Variants in ZNF174 observed in about 807,000 individuals in gnomAD.
The protein encoded by ZNF174 is AW-1.
Under a neutral mutation model 38.7 loss-of-function variants are expected in ZNF174, and 30 were observed. That is an observed-to-expected ratio of 0.78 (90% CI 0.58 to 1.05). The LOEUF is 1.05. ZNF174 is among the 50% of genes least tolerant of loss of function. The probability of loss-of-function intolerance (pLI) is 0.00; values close to 1 mark genes in which losing one functional copy is unlikely to be tolerated. For missense variants in ZNF174, 499 were observed against 495.6 expected (o/e 1.01, Z -0.06); for synonymous variants, 201 against 181.7 (o/e 1.11, Z -0.86).
At position 3,405,087 on chromosome 16, in the gene ZNF174, C is replaced by T. The variant is rs78243107; in HGVS notation, c.625+439C>T. ...TGATGTTGCTTGTACTTTAGATCCTCAAATCTATTTCCCTTTCTCTGGTGT... is the reference window on the plus strand; with the variant it reads ...TGATGTTGCTTGTACTTTAGATCCTTAAATCTATTTCCCTTTCTCTGGTGT... On this transcript the variant is annotated intron_variant, in intron 2 of 2. Transcript: ENST00000268655. The T allele has an allele frequency of 8.9e-3, 13,407 of 1,512,436 alleles. 373 individuals carry two copies. The African/African-American group carries it at 0.094, about 11-fold the overall frequency. The allele number at this position is 1,512,436 out of a possible 1,614,324, so 93.7% of individuals were successfully genotyped here.
chr16:3,405,782 G>A (rs1050560693), intron 2 of ZNF174, among the ~76,000 whole-genome samples: 4 of 152,156 alleles, frequency 2.6e-5, no homozygotes, highest in South Asian at 2.1e-4. Flanking sequence ...CAAGGCAGGC[G>A]GATCACTTAG....
chr16:3,402,034 C>T lies in ZNF174; in HGVS notation c.30C>T (p.Ser10=), dbSNP rs199711283. 1 of 1,613,622 alleles carries T rather than the reference C, an allele frequency of 6.2e-7. No homozygotes were observed. The highest frequency in any genetic ancestry group is 8.5e-7 in the Non-Finnish European group (1 of 1,179,922). MAAKMEITL[S]SNTEASSKQE... ...CAGCTAAAATGGAGATAACTTTAAG[C>T]TCCAACACTGAAGCTTCCTCCAAGC... The change falls in exon 1 of 3, where the codon AGC becomes AGT. Residue 10 remains serine, a synonymous_variant. Transcript: ENST00000268655.
rs1567341133 is a variant in ZNF174 at position 3,404,636 on chromosome 16, T to C, written c.613T>C (p.Leu205=). The part of the protein sequence containing the change: ...SPLLQEPTPK[L]AGTEAPRMRS... ...ACTCCTCCAAGAACCAACCCCCAAA[T>C]TGGCTGGGACAGGTAAACACTCTGC... Residue 205 remains leucine, a synonymous_variant, in exon 2 of 3, where the codon TTG becomes CTG. Transcript: ENST00000268655. 1.9e-6 allele frequency: 3 copies of C among 1,614,188 alleles called. No homozygotes were observed. Among genetic ancestry groups the C allele is most frequent in the African/African-American group, 1.3e-5 (1 of 75,058 alleles).
At position 3,408,370 on chromosome 16, in the gene ZNF174, G is replaced by A. The variant is rs111649299; in HGVS notation, c.675G>A (p.Gly225=). The A allele has an allele frequency of 2.5e-6, 4 of 1,613,702 alleles. No individual in the cohort carries two copies. In the African/African-American group the frequency reaches 5.3e-5, roughly 22 times the overall value. Residue 225 remains glycine, a synonymous_variant, in exon 3 of 3, where the codon GGG becomes GGA. Transcript: ENST00000268655. ...SDNKENPQQE[G]AKGAKPCAVS... is the part of the protein sequence containing the mutation. ...ACAAGGAAAATCCACAACAGGAAGG[G>A]GCTAAAGGAGCAAAGCCATGTGCAG...
rs775075182 is a variant in ZNF174, at chr16:3,402,385, A to G, written c.381A>G (p.Ala127=). 6.2e-7 allele frequency: 1 copy of G among 1,613,634 alleles called. No individual in the cohort carries two copies. The highest frequency in any genetic ancestry group is 1.1e-5 in the South Asian group (1 of 91,032). The part of the protein sequence containing the change: ...IVTLVEDFHR[A]SKKPKQWVAV... ...CCCTCGTGGAAGATTTTCACAGAGC[A>G]TCCAAGAAACCAAAGCAGTGGGTAA... Residue 127 remains alanine (A), a synonymous_variant, in exon 1 of 3, where the codon GCA becomes GCG. Coordinates refer to ENST00000268655, the MANE Select transcript of ZNF174 (RefSeq NM_003450.3).
In ZNF174 at chr16:3,401,956, C is replaced by A. The variant is rs2033916887; in HGVS notation, c.-49C>A. ...AGAGACTTCTCCAGGGTCATGATCC[C>A]AAAGGCTTAACCCGTTTACAAGGAG... On this transcript the variant is annotated 5_prime_UTR_variant, in exon 1 of 3. Coordinates refer to ENST00000268655, the MANE Select transcript of ZNF174 (RefSeq NM_003450.3). 1 of 1,588,066 alleles carries A rather than the reference C, an allele frequency of 6.3e-7. No individual in the cohort carries two copies. Among genetic ancestry groups the A allele is most frequent in the Non-Finnish European group, 8.5e-7 (1 of 1,173,486 alleles).
At chr16:3,408,193 C>T (rs2034080222) in intron 2 of ZNF174, 128 bp from the exon 3 acceptor site, 4 of 871,786 alleles carry the variant, frequency 4.6e-6, no homozygotes, top group Non-Finnish European at 7.2e-6. Flanking sequence ...ACAAGTGCTC[C>T]AGATGAGTCT....
chr16:3,402,605 C>T (rs1359003975), intron 1 of ZNF174, among the ~76,000 whole-genome samples, 199 bp downstream of exon 1: 1 of 151,710 alleles, frequency 6.6e-6, no homozygotes. Flanking sequence ...ACTACAGGCG[C>T]CCGCCACCGC....
chr16:3,404,122 T>A (rs1451424013), intron 1 of ZNF174, among the ~76,000 whole-genome samples: 2 of 152,184 alleles, frequency 1.3e-5, no homozygotes, highest in Admixed American at 1.3e-4. Flanking sequence ...AGGCATCTGA[T>A]GGCCCAGTGT....
Position 3,404,459 on chromosome 16 carries a change from T to C in ZNF174, c.436T>C (p.Leu146=). Residue 146 remains leucine (L), a synonymous_variant, in exon 2 of 3, where the codon TTG becomes CTG. Coordinates refer to ENST00000268655, the MANE Select transcript of ZNF174 (RefSeq NM_003450.3). ...AVCMQGQKVL[L]EKTGSQLGEQ... ...TTGTATGCAGGGGCAAAAGGTGCTC[T>C]TGGAGAAAACTGGATCTCAGCTTGG... 1.2e-6 allele frequency: 2 copies of C among 1,610,252 alleles called. No individual in the cohort carries two copies. Among genetic ancestry groups the C allele is most frequent in the Non-Finnish European group, 1.7e-6 (2 of 1,176,932 alleles).
rs368518176 is a variant in ZNF174 at position 3,402,055 on chromosome 16, C to T, written c.51C>T (p.Ser17=). 2 of 1,613,756 alleles carry T rather than the reference C, an allele frequency of 1.2e-6. No homozygotes were observed. The highest frequency in any genetic ancestry group is 2.7e-5 in the African/African-American group (2 of 74,854). ...TAAGCTCCAACACTGAAGCTTCCTCCAAGCAAGAGAGACACATAATAGCCA... is the reference window on the plus strand; with the variant it reads ...TAAGCTCCAACACTGAAGCTTCCTCTAAGCAAGAGAGACACATAATAGCCA... The part of the protein sequence containing the change: ...ITLSSNTEAS[S]KQERHIIAKL... The change falls in exon 1 of 3, where the codon TCC becomes TCT. Residue 17 remains serine (S), a synonymous_variant. Transcript: ENST00000268655.
intron 1 of ZNF174, among the ~76,000 whole-genome samples, chr16:3,403,426 C>A (rs1424852736): frequency 6.6e-6 from 1 of 151,430 alleles, no homozygotes; most frequent in Non-Finnish European, 1.5e-5. Context: ...CCGCCTTGGC[C>A]TCTCAAAGTG....
At chr16:3,405,169 A>G (rs911553993) in intron 2 of ZNF174, 3 of 1,228,514 alleles carry the variant, frequency 2.4e-6, no homozygotes, top group Non-Finnish European at 3.2e-6. Context: ...CTAAGCCTGA[A>G]TGACAGTGAC....
In ZNF174 at chr16:3,408,385, G is replaced by A. The variant is rs532019478; in HGVS notation, c.690G>A (p.Lys230=). The change falls in exon 3 of 3, where the codon AAG becomes AAA. Residue 230 remains lysine (K), a synonymous_variant. Coordinates refer to ENST00000268655, the MANE Select transcript of ZNF174 (RefSeq NM_003450.3). ...NPQQEGAKGA[K]PCAVSAGRSK... ...AACAGGAAGGGGCTAAAGGAGCAAA[G>A]CCATGTGCAGTGTCAGCTGGCAGAT... The A allele has an allele frequency of 1.9e-6, 3 of 1,614,184 alleles. No homozygotes were observed. The highest frequency in any genetic ancestry group is 2.2e-5 in the South Asian group (2 of 91,080).
chr16:3,407,432 A>C (rs1470672461), intron 2 of ZNF174, among the ~76,000 whole-genome samples: 1 of 152,202 alleles, frequency 6.6e-6, no homozygotes, highest in Non-Finnish European at 1.5e-5. Context: ...TTTCCCATTG[A>C]ATTGTCTTGT....
In ZNF174 at chr16:3,402,003, A is replaced by G; in HGVS notation, c.-2A>G. Reference sequence around the variant, plus strand: ...GGAGAGAGTTGTCTCCTGACGCCCAAAATGGCAGCTAAAATGGAGATAACT... The same window carrying G: ...GGAGAGAGTTGTCTCCTGACGCCCAGAATGGCAGCTAAAATGGAGATAACT... On this transcript the variant is annotated 5_prime_UTR_variant, in exon 1 of 3. Transcript: ENST00000268655. The G allele has an allele frequency of 6.2e-7, 1 of 1,611,832 alleles. No individual in the cohort carries two copies. The highest frequency in any genetic ancestry group is 8.5e-7 in the Non-Finnish European group (1 of 1,179,548).
At chr16:3,408,201 T>G in intron 2 of ZNF174, 120 bp from the exon 3 acceptor site, 1 of 932,798 alleles carries the variant, frequency 1.1e-6, no homozygotes, top group Non-Finnish European at 1.6e-6. Context: ...TCCAGATGAG[T>G]CTAATGCAAG....
chr16:3,402,990 T>G (rs2033981247), intron 1 of ZNF174, among the ~76,000 whole-genome samples: 1 of 152,098 alleles, frequency 6.6e-6, no homozygotes, highest in African/African-American at 2.4e-5. Flanking sequence ...TGTAAGGTTC[T>G]TAAATCCCTT....
At position 3,401,229 on chromosome 16, in the gene ZNF174, G is replaced by C. The variant is rs967139779; in HGVS notation, c.-776G>C. 4 of 152,448 alleles carry C rather than the reference G, an allele frequency of 2.6e-5. No homozygotes were observed. The East Asian group carries it at 7.7e-4, about 29-fold the overall frequency. 9.4% of individuals were successfully genotyped at this position (152,448 alleles called of 1,614,324 possible). On this transcript the variant is annotated 5_prime_UTR_variant, in exon 1 of 3. Transcript: ENST00000268655. ...GCCCCGCCCCCAGCCCGTGCTCGCC[G>C]GTGTCGGGTCCTAAGTCCCTCGGTC...
Sources: gnomAD v4.1 joint callset for allele counts (sites outside exome capture counted in the v4.1 genomes callset) on GRCh38, gnomAD v4.1.1 for gene constraint, MANE v1.5 for transcripts, NCBI Gene and HGNC (gene_info 2026-07-23, HGNC 2026-07-21) for gene names.